RSU1: variants seen among roughly 807,000 people sequenced by gnomAD.
RSU1 encodes rsu-1.
A neutral mutation model predicts 31.1 loss-of-function variants in RSU1; 26 were observed. The ratio of observed to expected loss-of-function variants is 0.84; its 90% confidence interval spans 0.61 to 1.16. The LOEUF (loss-of-function observed/expected upper bound fraction) is 1.16, where lower values mean the gene tolerates loss of function less well. Ranked by LOEUF, RSU1 falls within the 50% of genes most tolerant of loss-of-function variation. The pLI is 0.00. For synonymous variants in RSU1, 164 were observed against 136.3 expected, an observed-to-expected ratio of 1.20 and a Z score of -1.41; for missense variants, 320 against 339.1, an observed-to-expected ratio of 0.94 and a Z score of 0.44.
chr10:16,621,412 T>G (rs1251506509), intron 8 of RSU1, among the ~76,000 whole-genome samples: 1 of 152,200 alleles, frequency 6.6e-6, no homozygotes, highest in East Asian at 1.9e-4. Flanking sequence ...GTCCCTGAAA[T>G]GTAACATTTC....
intron 2 of RSU1, among the ~76,000 whole-genome samples, chr10:16,795,398 AAAC>A (rs946761032): frequency 2.6e-5 from 4 of 152,046 alleles, no homozygotes; most frequent in Non-Finnish European, 5.9e-5. Context: ...AGGTAATAAC[AAAC>A]AACAATAGCT....
At chr10:16,644,506 A>G (rs1834501068) in intron 8 of RSU1, among the ~76,000 whole-genome samples, 1 of 152,222 alleles carries the variant, frequency 6.6e-6, no homozygotes, top group African/African-American at 2.4e-5. Context: ...GCTATAACAG[A>G]CTTTACATGT....
intron 8 of RSU1, among the ~76,000 whole-genome samples, chr10:16,603,130 T>C (rs187083790): frequency 2.6e-5 from 4 of 152,322 alleles, no homozygotes; most frequent in Non-Finnish European, 5.9e-5. Context: ...TTCTCCATTA[T>C]AACCTGCTTT....
In RSU1 at chr10:16,603,102, C is replaced by T. The variant is rs140624281; in HGVS notation, c.732-9606G>A. The stretch of plus-strand genomic sequence containing the variant: ...GTTCCATGCAATTTACGAATGGCAG[C>T]GTGTGTCTGTCACATTCTTCTCCAT... On this transcript the variant is annotated intron_variant, in intron 8 of 8. Transcript: ENST00000345264. Among the ~76,000 whole-genome samples, 29 of 152,206 alleles carry T rather than the reference C, an allele frequency of 1.9e-4. No homozygotes were observed. In the East Asian group the frequency reaches 4.8e-3, roughly 25 times the overall value.
chr10:16,694,022 C>A (rs1256520871), intron 8 of RSU1, among the ~76,000 whole-genome samples: 1 of 151,686 alleles, frequency 6.6e-6, no homozygotes, highest in Non-Finnish European at 1.5e-5. Flanking sequence ...TGATAAATGA[C>A]AGTTTGTTTT....
chr10:16,604,808 G>A (rs1564283326), intron 8 of RSU1, among the ~76,000 whole-genome samples: 1 of 152,136 alleles, frequency 6.6e-6, no homozygotes, highest in Non-Finnish European at 1.5e-5. Context: ...GTCACCCTGG[G>A]TGCCGTAACT....
At chr10:16,726,878 T>C (rs753269664) in intron 7 of RSU1, among the ~76,000 whole-genome samples, 10 of 152,010 alleles carry the variant, frequency 6.6e-5, no homozygotes, top group Non-Finnish European at 1.2e-4. Context: ...AGCCAGTAGG[T>C]TCAAGGAACA....
At chr10:16,676,217 G>T (rs1329138626) in intron 8 of RSU1, among the ~76,000 whole-genome samples, 1 of 152,178 alleles carries the variant, frequency 6.6e-6, no homozygotes, top group African/African-American at 2.4e-5. Context: ...ACCCACGACT[G>T]AGTAGTTTAT....
chr10:16,749,467 T>TA (rs1271176118), intron 7 of RSU1, among the ~76,000 whole-genome samples: 5 of 152,124 alleles, frequency 3.3e-5, no homozygotes, highest in Non-Finnish European at 5.9e-5. Flanking sequence ...TTCAGATATG[T>TA]AAAAAATATA....
At chr10:16,731,902 G>C (rs1263805731) in intron 7 of RSU1, among the ~76,000 whole-genome samples, 1 of 152,054 alleles carries the variant, frequency 6.6e-6, no homozygotes. Flanking sequence ...ATATTGTTGG[G>C]ACAGGGCAGA....
intron 8 of RSU1, among the ~76,000 whole-genome samples, chr10:16,686,125 AT>A (rs1835435616): frequency 6.6e-6 from 1 of 152,234 alleles, no homozygotes; most frequent in South Asian, 2.1e-4. Context: ...AAAATTAAAA[AT>A]TTAAAAAACC....
intron 7 of RSU1, among the ~76,000 whole-genome samples, chr10:16,728,506 G>A (rs1836440917): frequency 6.6e-6 from 1 of 152,104 alleles, no homozygotes; most frequent in South Asian, 2.1e-4. Context: ...CATGAAGCAG[G>A]GGAAAGAAAC....
chr10:16,810,563 C>T (rs2093719607), intron 2 of RSU1, among the ~76,000 whole-genome samples: 1 of 152,148 alleles, frequency 6.6e-6, no homozygotes, highest in Non-Finnish European at 1.5e-5. Context: ...CGCCCAACTT[C>T]TCCTGGGAAT....
rs554281555 is a variant in RSU1 at position 16,762,830 on chromosome 10, T to A, written c.281+1560A>T. Among the ~76,000 whole-genome samples the A allele has an allele frequency of 3.3e-5, 5 of 152,108 alleles. No individual in the cohort carries two copies. In the South Asian group the frequency reaches 1.0e-3, roughly 32 times the overall value. On this transcript the variant is annotated intron_variant, in intron 4 of 8. Transcript: ENST00000345264. ...GAGATTGAGACCATCCTGGCCAACA[T>A]GGTGAAACCCCATCTCTACTAAAAA...
At position 16,676,145 on chromosome 10, in the gene RSU1, G is replaced by A. The variant is rs944007166; in HGVS notation, c.731+18878C>T. ...AATATGCATTAACAGACTGAAGCCC[G>A]ACTACAAAATAACACAGGTTGATCC... On this transcript the variant is annotated intron_variant, in intron 8 of 8. Transcript: ENST00000345264. 3.9e-5 allele frequency among the ~76,000 whole-genome samples: 6 copies of A among 152,140 alleles called. No homozygotes were observed. The South Asian group carries it at 8.3e-4, about 21-fold the overall frequency.
chr10:16,757,421 G>A (rs964159083), intron 4 of RSU1, among the ~76,000 whole-genome samples: 1 of 152,056 alleles, frequency 6.6e-6, no homozygotes, highest in African/African-American at 2.4e-5. Flanking sequence ...GGGAAACGCG[G>A]GTTCCCCCTG....
At chr10:16,675,668 A>G (rs890029460) in intron 8 of RSU1, among the ~76,000 whole-genome samples, 18 of 152,228 alleles carry the variant, frequency 1.2e-4, no homozygotes, top group African/African-American at 4.3e-4. Flanking sequence ...GGATTAATAA[A>G]TTCTGGTAAT....
At chr10:16,687,345 C>T (rs1488813639) in intron 8 of RSU1, among the ~76,000 whole-genome samples, 2 of 152,040 alleles carry the variant, frequency 1.3e-5, no homozygotes, top group Non-Finnish European at 2.9e-5. Context: ...CAAGCACCTT[C>T]CATTTAAAAA....
rs115961519 is a variant in RSU1 at position 16,672,730 on chromosome 10, G to C, written c.731+22293C>G. Reference sequence around the variant, plus strand: ...TGCCTGGGGATGGGGGAAATGAAGGGAGAGGCACAAATGAGAAATATGGTT... The same window carrying C: ...TGCCTGGGGATGGGGGAAATGAAGGCAGAGGCACAAATGAGAAATATGGTT... On this transcript the variant is annotated intron_variant, in intron 8 of 8. Coordinates refer to ENST00000345264, the MANE Select transcript of RSU1 (RefSeq NM_012425.4). 9.1e-3 allele frequency among the ~76,000 whole-genome samples: 1,387 copies of C among 152,194 alleles called. 18 individuals are homozygous for C. Among genetic ancestry groups the C allele is most frequent in the African/African-American group, 0.025 (1,038 of 41,512 alleles).
Sources: gnomAD v4.1 joint callset for allele counts (sites outside exome capture counted in the v4.1 genomes callset) on GRCh38, gnomAD v4.1.1 for gene constraint, MANE v1.5 for transcripts, NCBI Gene and HGNC (gene_info 2026-07-23, HGNC 2026-07-21) for gene names.